GNPTAB: variants seen among roughly 807,000 people sequenced by gnomAD.
GNPTAB encodes N-acetylglucosamine-1-phosphate transferase subunits alpha and beta, also known as N-acetylglucosamine-1-phosphotransferase subunits alpha/beta.
In GNPTAB, 92 loss-of-function variants were observed where a neutral mutation model predicts 136.6. That is an observed-to-expected ratio of 0.67 (90% CI 0.57 to 0.80). GNPTAB has a LOEUF of 0.80. Ranked by LOEUF, GNPTAB falls within the 30% of genes least tolerant of loss-of-function variation. The pLI is 0.00. For synonymous variants in GNPTAB, 512 were observed against 535.1 expected (o/e 0.96, Z 0.60); for missense variants, 1,343 against 1,501.8 (o/e 0.89, Z 1.75).
At chr12:101,801,070 C>CA (rs1008337022) in intron 1 of GNPTAB, among the ~76,000 whole-genome samples, 29 of 148,694 alleles carry the variant, frequency 2.0e-4, no homozygotes, top group South Asian at 2.1e-4. Flanking sequence ...CTCATCTCTA[C>CA]AAAAAATAAA....
chr12:101,799,746 C>A lies in GNPTAB; in HGVS notation c.118-2984G>T, dbSNP rs1869503658. ...GCCAGTAAGTACTTCTATTAAAGTT[C>A]TTTTGATTGGACAATGCCCATGGCC... On this transcript the variant is annotated intron_variant, in intron 1 of 20. Coordinates refer to ENST00000299314, the MANE Select transcript of GNPTAB (RefSeq NM_024312.5). Among the ~76,000 whole-genome samples, 9 of 112,336 alleles carry A rather than the reference C, an allele frequency of 8.0e-5. 1 individual carries two copies. Among genetic ancestry groups the A allele is most frequent in the Admixed American group, 8.0e-4 (9 of 11,286 alleles). The allele number at this position is 112,336 out of a possible 152,430, so 73.7% of individuals were successfully genotyped here.
chr12:101,803,787 A>G (rs1869779073), intron 1 of GNPTAB, among the ~76,000 whole-genome samples: 1 of 152,250 alleles, frequency 6.6e-6, no homozygotes, highest in Non-Finnish European at 1.5e-5. Flanking sequence ...AGATTAAAAT[A>G]TAATAAACAC....
At chr12:101,778,826 A>C (rs985808717) in intron 7 of GNPTAB, 1 of 152,202 alleles carries the variant, frequency 6.6e-6, no homozygotes, top group Non-Finnish European at 1.5e-5. Context: ...GAATCATTTG[A>C]ACCCGGGAGG....
At chr12:101,780,692 G>A (rs1953329319) in intron 5 of GNPTAB, 71 bp from the exon 6 acceptor site, 4 of 1,016,590 alleles carry the variant, frequency 3.9e-6, no homozygotes, top group Non-Finnish European at 6.3e-6. Context: ...GCAGAACACT[G>A]TGAAAACATT....
rs1566075228 is a variant in GNPTAB at position 101,766,131 on chromosome 12, A to G, written c.1572T>C (p.Asn524=). Residue 524 remains asparagine (N), a synonymous_variant, in exon 12 of 21, where the codon AAT becomes AAC. Transcript: ENST00000299314. ...CAGCATCAAACCCACAGGACAAGAC[A>G]TTGCATGCTTGGTCACAGAACTTAT... ...LADKFCDQAC[N]VLSCGFDAGD... 1.9e-6 allele frequency: 3 copies of G among 1,614,140 alleles called. No homozygotes were observed. The highest frequency in any genetic ancestry group is 1.1e-5 in the South Asian group (1 of 91,084).
chr12:101,824,613 T>C (rs1870998123), intron 1 of GNPTAB, among the ~76,000 whole-genome samples: 1 of 151,116 alleles, frequency 6.6e-6, no homozygotes, highest in African/African-American at 2.4e-5. Context: ...ACTACAGGCA[T>C]GCACCACCAC....
At chr12:101,811,318 A>G (rs2137175477) in intron 1 of GNPTAB, among the ~76,000 whole-genome samples, 1 of 152,306 alleles carries the variant, frequency 6.6e-6, no homozygotes, top group East Asian at 1.9e-4. Context: ...AAATAAATGG[A>G]CATGGCTGTG....
At chr12:101,803,706 T>C (rs1424673463) in intron 1 of GNPTAB, among the ~76,000 whole-genome samples, 1 of 152,248 alleles carries the variant, frequency 6.6e-6, no homozygotes, top group Admixed American at 6.5e-5. Context: ...GGAGCTGACA[T>C]TCCTGTTAAG....
chr12:101,771,347 G>A lies in GNPTAB; in HGVS notation c.772-190C>T, dbSNP rs567827400. Among the ~76,000 whole-genome samples the A allele has an allele frequency of 8.4e-4, 127 of 151,738 alleles. 2 individuals carry two copies. The highest frequency in any genetic ancestry group is 2.8e-3 in the African/African-American group (117 of 41,372). ...CAACCTCCGCCTCCCGGGTTCAAGC[G>A]ATTCTCCTGCCTCAGCCTCCTGAGT... On this transcript the variant is annotated intron_variant, in intron 7 of 20. Coordinates refer to ENST00000299314, the MANE Select transcript of GNPTAB (RefSeq NM_024312.5).
At chr12:101,795,264 T>G (rs1022698985) in intron 2 of GNPTAB, among the ~76,000 whole-genome samples, 2 of 152,208 alleles carry the variant, frequency 1.3e-5, no homozygotes, top group Non-Finnish European at 2.9e-5. Context: ...GTTATTTTCT[T>G]AAGCCCTCCA....
intron 1 of GNPTAB, among the ~76,000 whole-genome samples, chr12:101,800,524 C>T (rs1476021480): frequency 4.2e-5 from 6 of 143,032 alleles, no homozygotes; most frequent in East Asian, 4.2e-4. Context: ...TTTGGGAGGT[C>T]GTGGAGGGAG....
At chr12:101,758,164 G>A (rs1193956630) in intron 16 of GNPTAB, among the ~76,000 whole-genome samples, 1 of 151,382 alleles carries the variant, frequency 6.6e-6, no homozygotes, top group Non-Finnish European at 1.5e-5. Context: ...TCAGTTTCCC[G>A]AGTAGCTGGG....
chr12:101,757,639 G>A lies in GNPTAB; in HGVS notation c.3268C>T (p.Leu1090=), dbSNP rs762608959. The A allele has an allele frequency of 3.3e-5, 51 of 1,564,120 alleles. No individual in the cohort carries two copies. Among genetic ancestry groups the A allele is most frequent in the East Asian group, 2.5e-4 (11 of 44,550 alleles). The change falls in exon 17 of 21, where the codon CTA becomes TTA. Residue 1090 remains leucine, a synonymous_variant. Coordinates refer to ENST00000299314, the MANE Select transcript of GNPTAB (RefSeq NM_024312.5). ...GTTACTGGTTTACAGTTTGTTACTA[G>A]ACTTTTAGTGACCGGTGGCTATGAG... is the stretch of plus-strand genomic sequence containing the variant. ...DPNLPPVTKS[L]VTNCKPVTDK...
chr12:101,830,850 G>C lies in GNPTAB; in HGVS notation c.-175C>G, dbSNP rs1871340241. ...GACGCCCGCTCGGCTCCGCGCCGCG[G>C]CCGCCGCTTCCGGGAGCCGGGAGCC... is the stretch of plus-strand genomic sequence containing the variant. On this transcript the variant is annotated 5_prime_UTR_variant, in exon 1 of 21. Coordinates refer to ENST00000299314, the MANE Select transcript of GNPTAB (RefSeq NM_024312.5). 6.0e-6 allele frequency: 1 copy of C among 166,644 alleles called. No homozygotes were observed. The highest frequency in any genetic ancestry group is 1.3e-5 in the Non-Finnish European group (1 of 77,732). 10.3% of individuals were successfully genotyped at this position (166,644 alleles called of 1,614,324 possible). A position where few individuals can be genotyped will look rare whatever the true frequency, so the allele number is the denominator to read the frequency against.
chr12:101,828,842 ATGT>A (rs1414953270), intron 1 of GNPTAB, among the ~76,000 whole-genome samples: 2 of 152,330 alleles, frequency 1.3e-5, no homozygotes, highest in South Asian at 2.1e-4. Context: ...CACAGGGGTG[ATGT>A]TGTGAGGATT....
At chr12:101,830,481 G>C (rs1871308019) in intron 1 of GNPTAB, 78 bp downstream of exon 1, 2 of 786,434 alleles carry the variant, frequency 2.5e-6, no homozygotes, top group Admixed American at 1.9e-5. Flanking sequence ...AATACATACT[G>C]TATCGGGGCA....
At chr12:101,762,903 TAAAAA>T (rs35645073) in intron 13 of GNPTAB, among the ~76,000 whole-genome samples, 1 of 125,192 alleles carries the variant, frequency 8.0e-6, no homozygotes, top group African/African-American at 3.0e-5. Context: ...TTTGTAAATT[TAAAAA>T]AAAAAAAAAA....
At chr12:101,822,351 C>T (rs1477665642) in intron 1 of GNPTAB, among the ~76,000 whole-genome samples, 5 of 152,098 alleles carry the variant, frequency 3.3e-5, no homozygotes, top group South Asian at 4.1e-4. Flanking sequence ...GGGGCGGAGC[C>T]TGCAGTGAGC....
At chr12:101,829,442 G>C (rs988647810) in intron 1 of GNPTAB, among the ~76,000 whole-genome samples, 1 of 152,126 alleles carries the variant, frequency 6.6e-6, no homozygotes, top group Non-Finnish European at 1.5e-5. Context: ...CCGAGATGGA[G>C]CCACTGCATT....
Sources: allele counts gnomAD v4.1 joint callset (sites outside exome capture counted in the v4.1 genomes callset), GRCh38; gene constraint gnomAD v4.1.1; transcripts MANE v1.5; gene names NCBI Gene and HGNC (gene_info 2026-07-23, HGNC 2026-07-21).